PRMT7: variants seen among roughly 807,000 people sequenced by gnomAD.
PRMT7 encodes protein arginine N-methyltransferase 7.
In PRMT7, 75 loss-of-function variants were observed where a neutral mutation model predicts 85.4. The observed-to-expected ratio is 0.88, with a 90% CI of 0.73 to 1.06. The LOEUF (loss-of-function observed/expected upper bound fraction) is 1.06. Ranked by LOEUF, PRMT7 falls within the 50% of genes least tolerant of loss-of-function variation. PRMT7 has a pLI of 0.00. For missense variants in PRMT7, 868 were observed against 915.2 expected (o/e 0.95, Z 0.67); for synonymous variants, 397 against 359.5 (o/e 1.10, Z -1.18).
chr16:68,355,954 A>G, intron 17 of PRMT7, 71 bp downstream of exon 17: 2 of 1,419,166 alleles, frequency 1.4e-6, no homozygotes, highest in Admixed American at 2.4e-5. Flanking sequence ...CCCCGTGGTG[A>G]GCACAGCTGG....
In PRMT7 at chr16:68,357,247, C is replaced by A; in HGVS notation, c.*23C>A. On this transcript the variant is annotated 3_prime_UTR_variant, in exon 19 of 19. Transcript: ENST00000441236. ...TGACCACTCTTGAGCAATAAAGTGGCCTGAGGGCTGGGGTTCTGAGTGGCT... is the reference window on the plus strand; with the variant it reads ...TGACCACTCTTGAGCAATAAAGTGGACTGAGGGCTGGGGTTCTGAGTGGCT... The A allele has an allele frequency of 6.3e-7, 1 of 1,592,200 alleles. No individual in the cohort carries two copies. Among genetic ancestry groups the A allele is most frequent in the South Asian group, 1.1e-5 (1 of 87,492 alleles).
chr16:68,321,904 A>G (rs1281661281), intron 4 of PRMT7, among the ~76,000 whole-genome samples: 1 of 151,806 alleles, frequency 6.6e-6, no homozygotes, highest in African/African-American at 2.4e-5. Context: ...GAAACATCAG[A>G]TCCTCTCCCT....
Position 68,339,546 on chromosome 16 carries a change from T to C in PRMT7, c.729T>C (p.Asp243=). ...VSPADFTVLS[D]VLPMFSIDFS... ...CAGCCGACTTTACAGTCCTCAGCGA[T>C]GTGCTGCCCATGTTCAGGTACCAAG... Residue 243 remains aspartate, a synonymous_variant, in exon 8 of 19, where the codon GAT becomes GAC. Transcript: ENST00000441236. 2 of 1,613,848 alleles carry C rather than the reference T, an allele frequency of 1.2e-6. No individual in the cohort carries two copies. The highest frequency in any genetic ancestry group is 1.7e-6 in the Non-Finnish European group (2 of 1,179,978).
chr16:68,312,235 T>TG (rs2043930024), intron 2 of PRMT7, 59 bp downstream of exon 2: 1 of 145,174 alleles, frequency 6.9e-6, no homozygotes, highest in African/African-American at 2.5e-5. Context: ...ATATATTTTT[T>TG]TTTTTAAGAC....
At chr16:68,334,204 A>G (rs2084331620) in intron 6 of PRMT7, among the ~76,000 whole-genome samples, 2 of 152,220 alleles carry the variant, frequency 1.3e-5, no homozygotes, top group Non-Finnish European at 2.9e-5. Context: ...TGTATTAACT[A>G]TTCCATTCCG....
In PRMT7 at chr16:68,339,336, C is replaced by G. The variant is rs146250427; in HGVS notation, c.519C>G (p.Ala173=). 1.2e-6 allele frequency: 2 copies of G among 1,613,758 alleles called. No homozygotes were observed. Among genetic ancestry groups the G allele is most frequent in the African/African-American group, 1.3e-5 (1 of 74,870 alleles). The change falls in exon 8 of 19, where the codon GCC becomes GCG. Residue 173 remains alanine (A), a synonymous_variant. Coordinates refer to ENST00000441236, the MANE Select transcript of PRMT7 (RefSeq NM_019023.5). The part of the protein sequence containing the change: ...HRHLVEENCE[A]VPHRATVYAQ... ...TATAAACTTAGGAAAATTGTGAGGC[C>G]GTGCCCCACAGAGCCACCGTCTATG...
At chr16:68,317,956 C>G (rs7199750) in intron 3 of PRMT7, among the ~76,000 whole-genome samples, 118,681 of 152,028 alleles carry the variant, frequency 0.78, 47,148 homozygotes, top group African/African-American at 0.94. Flanking sequence ...CGAAAGCATA[C>G]GCGGGGTCAT....
At position 68,333,438 on chromosome 16, in the gene PRMT7, G is replaced by A. The variant is rs1223482894; in HGVS notation, c.392-4021G>A. ...AAAGGTTGCGGTGAGCCGAGATTGC[G>A]CTATTGCACTTCAGCCTGGGCAACA... is the stretch of plus-strand genomic sequence containing the variant. On this transcript the variant is annotated intron_variant, in intron 6 of 18. Transcript: ENST00000441236. Among the ~76,000 whole-genome samples, 10 of 151,000 alleles carry A rather than the reference G, an allele frequency of 6.6e-5. No individual in the cohort carries two copies. The South Asian group carries it at 1.9e-3, about 28-fold the overall frequency.
chr16:68,335,867 C>T (rs545927591), intron 6 of PRMT7, among the ~76,000 whole-genome samples: 6 of 149,552 alleles, frequency 4.0e-5, no homozygotes, highest in African/African-American at 7.4e-5. Context: ...ACCTCTGCCT[C>T]CCAGGTTTAA....
chr16:68,345,904 T>A (rs2086285190), intron 10 of PRMT7, 102 bp downstream of exon 10: 1 of 1,516,314 alleles, frequency 6.6e-7, no homozygotes, highest in East Asian at 2.3e-5. Flanking sequence ...GATTTGTGTC[T>A]GGACAGAATA....
At chr16:68,356,954 C>T in intron 18 of PRMT7, 100 bp from the exon 19 acceptor site, 1 of 1,427,128 alleles carries the variant, frequency 7.0e-7, no homozygotes. Context: ...GGCCCCTGAG[C>T]AGCTTCTCTC....
intron 9 of PRMT7, among the ~76,000 whole-genome samples, chr16:68,341,280 C>A (rs1288844197): frequency 6.6e-6 from 1 of 152,180 alleles, no homozygotes; most frequent in African/African-American, 2.4e-5. Flanking sequence ...ACCCACTGTT[C>A]AGACAAAACC....
In PRMT7 at chr16:68,358,563, TA is replaced by T. The variant is rs1188780711; in HGVS notation, c.*1345del. On this transcript the variant is annotated 3_prime_UTR_variant, in exon 19 of 19. Transcript: ENST00000441236. Reference sequence around the variant, plus strand: ...ACAATACAGAAAAAAATACAGAAATTAAAAAAGTTTTTATAACAGTATTTCT... The same window carrying T: ...ACAATACAGAAAAAAATACAGAAATTAAAAAGTTTTTATAACAGTATTTCT... 1.3e-5 allele frequency: 2 copies of T among 152,566 alleles called. No individual in the cohort carries two copies. The highest frequency in any genetic ancestry group is 2.9e-5 in the Non-Finnish European group (2 of 68,026). The allele number at this position is 152,566 out of a possible 1,614,324, so 9.5% of individuals were successfully genotyped here.
chr16:68,320,739 G>A, intron 3 of PRMT7, among the ~76,000 whole-genome samples: 1 of 152,266 alleles, frequency 6.6e-6, no homozygotes, highest in East Asian at 1.9e-4. Flanking sequence ...AGCATTTTTA[G>A]GTCTGAGAAC....
intron 6 of PRMT7, among the ~76,000 whole-genome samples, chr16:68,334,235 A>G (rs1200605315): frequency 6.6e-6 from 1 of 152,214 alleles, no homozygotes; most frequent in Non-Finnish European, 1.5e-5. Flanking sequence ...CGGGCCTGTC[A>G]TGTAAAGGAG....
chr16:68,337,871 T>C (rs1465805004), intron 7 of PRMT7, among the ~76,000 whole-genome samples: 2 of 152,238 alleles, frequency 1.3e-5, no homozygotes, highest in Non-Finnish European at 1.5e-5. Context: ...GATCAGGTGT[T>C]GGCCTGGCAG....
In PRMT7 at chr16:68,357,424, G is replaced by A. The variant is rs1323936146; in HGVS notation, c.*200G>A. 3 of 596,678 alleles carry A rather than the reference G, an allele frequency of 5.0e-6. No individual in the cohort carries two copies. The highest frequency in any genetic ancestry group is 8.4e-6 in the Non-Finnish European group (3 of 358,282). The allele number at this position is 596,678 out of a possible 1,614,324, so 37.0% of individuals were successfully genotyped here. On this transcript the variant is annotated 3_prime_UTR_variant, in exon 19 of 19. Transcript: ENST00000441236. ...CAGCTGTGGCAGGAAGCATGAGAGG[G>A]TGACTGAATTTGGAGCCCTGGAGGG...
intron 11 of PRMT7, among the ~76,000 whole-genome samples, 160 bp downstream of exon 11, chr16:68,346,440 G>C (rs1252360866): frequency 6.6e-6 from 1 of 152,206 alleles, no homozygotes; most frequent in African/African-American, 2.4e-5. Context: ...GGAGCAGAAA[G>C]CGGGAGAGCC....
intron 9 of PRMT7, among the ~76,000 whole-genome samples, chr16:68,343,040 A>G (rs1291357491): frequency 6.6e-6 from 1 of 152,100 alleles, no homozygotes; most frequent in East Asian, 1.9e-4. Flanking sequence ...CCCTGTCTCT[A>G]CTAAAAATAC....
Sources: allele counts gnomAD v4.1 joint callset (sites outside exome capture counted in the v4.1 genomes callset), GRCh38; gene constraint gnomAD v4.1.1; transcripts MANE v1.5; gene names NCBI Gene and HGNC (gene_info 2026-07-23, HGNC 2026-07-21).